The following SLC35F4 variants were observed in gnomAD, a reference collection of about 807,000 sequenced individuals.
The protein encoded by SLC35F4 is solute carrier family 35 member F4.
Under a neutral mutation model 44.2 loss-of-function variants are expected in SLC35F4, and 24 were observed. The observed-to-expected ratio is 0.54, with a 90% CI of 0.39 to 0.76. SLC35F4 has a LOEUF of 0.76. Among genes scored for constraint, SLC35F4 ranks in the 30% least tolerant of loss-of-function variants. The probability of loss-of-function intolerance (pLI) is 0.00; values close to 1 mark genes in which losing one functional copy is unlikely to be tolerated. For synonymous variants in SLC35F4, 238 were observed against 223.6 expected (o/e 1.06, Z -0.57); for missense variants, 562 against 586.1 (o/e 0.96, Z 0.42).
intron 1 of SLC35F4, among the ~76,000 whole-genome samples, chr14:57,614,342 T>C (rs2071682341): frequency 6.6e-6 from 1 of 152,240 alleles, no homozygotes; most frequent in Admixed American, 6.5e-5. Flanking sequence ...TTTCTGTGTA[T>C]TTCCAAAAAC....
At chr14:57,880,203 A>G (rs1888503749) in intron 1 of SLC35F4, among the ~76,000 whole-genome samples, 2 of 152,170 alleles carry the variant, frequency 1.3e-5, no homozygotes, top group African/African-American at 4.8e-5. Context: ...ACTTCCTAGA[A>G]CTATCATGAG....
At chr14:57,657,300 C>T (rs2073999809) in intron 1 of SLC35F4, among the ~76,000 whole-genome samples, 1 of 152,168 alleles carries the variant, frequency 6.6e-6, no homozygotes, top group South Asian at 2.1e-4. Flanking sequence ...GTTTAGGATG[C>T]TGTCTGTGCT....
At chr14:57,581,785 C>T (rs1334552711) in intron 3 of SLC35F4, among the ~76,000 whole-genome samples, 1 of 152,142 alleles carries the variant, frequency 6.6e-6, no homozygotes, top group Non-Finnish European at 1.5e-5. Context: ...GGTGGGCAAA[C>T]GAGAGAGGGT....
intron 1 of SLC35F4, among the ~76,000 whole-genome samples, chr14:57,839,190 G>A (rs1332711233): frequency 6.6e-6 from 1 of 152,048 alleles, no homozygotes; most frequent in African/African-American, 2.4e-5. Context: ...CCAAAGCCCA[G>A]GTTCATTATT....
chr14:57,613,496 C>G (rs2071629180), intron 1 of SLC35F4, among the ~76,000 whole-genome samples: 1 of 152,174 alleles, frequency 6.6e-6, no homozygotes, highest in African/African-American at 2.4e-5. Flanking sequence ...CTCCTGGAGT[C>G]CCAGTTGTTC....
intron 1 of SLC35F4, among the ~76,000 whole-genome samples, chr14:57,670,309 GT>G (rs550575363): frequency 2.6e-5 from 4 of 151,940 alleles, no homozygotes; most frequent in Non-Finnish European, 4.4e-5. Context: ...TTTTTGAAGG[GT>G]TTTTTGTGTC....
chr14:57,771,869 C>A (rs2077372201), intron 1 of SLC35F4, among the ~76,000 whole-genome samples: 1 of 152,174 alleles, frequency 6.6e-6, no homozygotes, highest in Admixed American at 6.5e-5. Flanking sequence ...GCTGGGATTG[C>A]AGGTATAAGC....
chr14:57,738,726 T>C (rs2076526580), intron 1 of SLC35F4, among the ~76,000 whole-genome samples: 1 of 142,768 alleles, frequency 7.0e-6, no homozygotes, highest in Non-Finnish European at 1.5e-5. Flanking sequence ...AGAAAGCCTT[T>C]ATTTCATAAT....
At chr14:57,706,656 G>A (rs1160633002) in intron 1 of SLC35F4, among the ~76,000 whole-genome samples, 5 of 152,308 alleles carry the variant, frequency 3.3e-5, no homozygotes, top group East Asian at 3.9e-4. Context: ...CAGTAAGACT[G>A]GCATTTGGCC....
intron 1 of SLC35F4, among the ~76,000 whole-genome samples, chr14:57,656,213 G>T (rs1475839425): frequency 2.6e-5 from 4 of 151,830 alleles, no homozygotes; most frequent in Non-Finnish European, 5.9e-5. Context: ...GTGTGTGTGT[G>T]TACATATCTA....
chr14:57,952,194 G>C (rs1890154148), intron 1 of SLC35F4, among the ~76,000 whole-genome samples: 1 of 152,156 alleles, frequency 6.6e-6, no homozygotes, highest in Admixed American at 6.5e-5. Flanking sequence ...CAGCAGAGGG[G>C]CCTGGCTGTT....
intron 1 of SLC35F4, among the ~76,000 whole-genome samples, chr14:57,840,305 C>G (rs183272330): frequency 6.6e-6 from 1 of 152,112 alleles, no homozygotes; most frequent in Non-Finnish European, 1.5e-5. Context: ...AGGCATTGTG[C>G]CCTCAGTCAC....
chr14:57,849,705 A>G (rs1229155238), intron 1 of SLC35F4, among the ~76,000 whole-genome samples: 1 of 152,242 alleles, frequency 6.6e-6, no homozygotes, highest in Non-Finnish European at 1.5e-5. Flanking sequence ...AGTACAACAT[A>G]TAGACAAAGG....
intron 1 of SLC35F4, among the ~76,000 whole-genome samples, chr14:57,847,148 G>C (rs1268472262): frequency 6.6e-6 from 1 of 152,186 alleles, no homozygotes; most frequent in South Asian, 2.1e-4. Flanking sequence ...AACAGAAACT[G>C]GCTAGGTAAA....
chr14:57,590,126 A>G (rs1184487520), intron 2 of SLC35F4, among the ~76,000 whole-genome samples: 3 of 144,658 alleles, frequency 2.1e-5, no homozygotes, highest in Non-Finnish European at 4.5e-5. Context: ...GCTGTGACTC[A>G]GGCCTGTCAT....
In SLC35F4 at chr14:57,883,345, T is replaced by C. The variant is rs548299529; in HGVS notation, n.282+98568A>G. Reference sequence around the variant, plus strand: ...AAACATTACTGTCACATGACTGCAGTCGTCAGGCGATGAAGAATCCCTGTG... The same window carrying C: ...AAACATTACTGTCACATGACTGCAGCCGTCAGGCGATGAAGAATCCCTGTG... On this transcript the variant is annotated intron_variant and non_coding_transcript_variant, in intron 1 of 1. Coordinates refer to the SLC35F4 transcript ENST00000556568. Among the ~76,000 whole-genome samples the C allele has an allele frequency of 2.0e-5, 3 of 152,280 alleles. 1 individual carries two copies. The South Asian group carries it at 6.2e-4, about 32-fold the overall frequency.
At chr14:57,930,086 T>C (rs1327338238) in intron 1 of SLC35F4, among the ~76,000 whole-genome samples, 1 of 152,228 alleles carries the variant, frequency 6.6e-6, no homozygotes, top group Non-Finnish European at 1.5e-5. Context: ...AAACTCCCTG[T>C]GCAGAACATT....
chr14:57,739,431 G>T (rs1713627507), intron 1 of SLC35F4, among the ~76,000 whole-genome samples: 1 of 152,210 alleles, frequency 6.6e-6, no homozygotes, highest in African/African-American at 2.4e-5. Context: ...CTGGTTTGGG[G>T]AATTACTTGT....
chr14:57,916,034 T>C (rs1410210345), intron 1 of SLC35F4, among the ~76,000 whole-genome samples: 1 of 152,178 alleles, frequency 6.6e-6, no homozygotes, highest in East Asian at 1.9e-4. Context: ...TAATAGACTA[T>C]CACAAATGGG....
Sources: gnomAD v4.1 joint callset for allele counts (sites outside exome capture counted in the v4.1 genomes callset) on GRCh38, gnomAD v4.1.1 for gene constraint, MANE v1.5 for transcripts, NCBI Gene and HGNC (gene_info 2026-07-23, HGNC 2026-07-21) for gene names.